The following EDRF1 variants were observed in gnomAD, a reference collection of about 807,000 sequenced individuals.
The protein encoded by EDRF1 is erythroid differentiation-related factor 1.
In EDRF1, 69 loss-of-function variants were observed where a neutral mutation model predicts 148.7. The ratio of observed to expected loss-of-function variants is 0.46; its 90% confidence interval spans 0.38 to 0.57. The LOEUF (loss-of-function observed/expected upper bound fraction) is 0.57. Ranked by LOEUF, EDRF1 falls within the 20% of genes least tolerant of loss-of-function variation. The pLI is 0.00. For synonymous variants in EDRF1, 515 were observed against 532.8 expected, an observed-to-expected ratio of 0.97 and a Z score of 0.46; for missense variants, 1,118 against 1,478.7, an observed-to-expected ratio of 0.76 and a Z score of 4.00.
chr10:125,761,683 C>T (rs1242680526), intron 24 of EDRF1, among the ~76,000 whole-genome samples: 3 of 152,036 alleles, frequency 2.0e-5, no homozygotes, highest in Admixed American at 6.5e-5. Context: ...TTAAGGAAGG[C>T]GTGATTTGTA....
chr10:125,749,513 A>G lies in EDRF1; in HGVS notation c.3225A>G (p.Glu1075=). The G allele has an allele frequency of 6.2e-7, 1 of 1,614,220 alleles. No individual in the cohort carries two copies. The highest frequency in any genetic ancestry group is 8.5e-7 in the Non-Finnish European group (1 of 1,180,040). ...LFQLLKDAPC[E]LLRVQLERVA... is the part of the protein sequence containing the mutation. ...AGCTGCTGAAAGATGCTCCCTGCGA[A>G]CTGCTTAGAGTACAGCTAGAGAGAG... Residue 1075 remains glutamate, a synonymous_variant, in exon 22 of 25, where the codon GAA becomes GAG. Coordinates refer to ENST00000356792, the MANE Select transcript of EDRF1 (RefSeq NM_001202438.2).
At chr10:125,756,958 G>C (rs1564754674) in intron 24 of EDRF1, 1 of 398,440 alleles carries the variant, frequency 2.5e-6, no homozygotes, top group Non-Finnish European at 4.9e-6. Context: ...GACCACGGGT[G>C]TGCCCCACGA....
At position 125,733,553 on chromosome 10, in the gene EDRF1, T is replaced by A. The variant is rs1468455021; in HGVS notation, c.1276+2T>A. ...GACATACCTATTGGCTCTTTAAAGG[T>A]AAGCTATTAATACTTCTTGAGTGAA... On this transcript the variant is annotated splice_donor_variant, in intron 10 of 24. Transcript: ENST00000356792. LOFTEE classifies it high-confidence loss of function. The A allele has an allele frequency of 1.2e-6, 2 of 1,604,470 alleles. No individual in the cohort carries two copies.
rs757269002 is a variant in EDRF1, at chr10:125,743,167, C to T, written c.2481C>T (p.Ser827=). ...TCTTGCAGTTTAGTGACTTGAAAAG[C>T]CAAAATCCAGAACACTATGTACAAG... is the stretch of plus-strand genomic sequence containing the variant. ...NEILQFSDLK[S]QNPEHYVQVL... Residue 827 remains serine, a synonymous_variant, in exon 18 of 25, where the codon AGC becomes AGT. Coordinates refer to ENST00000356792, the MANE Select transcript of EDRF1 (RefSeq NM_001202438.2). 2.5e-6 allele frequency: 4 copies of T among 1,613,858 alleles called. No individual in the cohort carries two copies. The highest frequency in any genetic ancestry group is 2.2e-5 in the South Asian group (2 of 91,070).
intron 13 of EDRF1, among the ~76,000 whole-genome samples, chr10:125,736,210 C>G (rs2133703573): frequency 6.6e-6 from 1 of 152,190 alleles, no homozygotes; most frequent in East Asian, 1.9e-4. Flanking sequence ...GCACTTCTAT[C>G]CGGTGTTGGG....
intron 7 of EDRF1, 88 bp downstream of exon 7, chr10:125,729,192 A>G: frequency 6.8e-7 from 1 of 1,461,160 alleles, no homozygotes; most frequent in African/African-American, 1.4e-5. Flanking sequence ...TTGATAGGGA[A>G]AAACTCCACT....
In EDRF1 at chr10:125,733,511, T is replaced by C. The variant is rs1848573035; in HGVS notation, c.1236T>C (p.Ser412=). ...AGAATATTTTATCATTTTTGAAATCTAATTGTACCAAAGAAGGACATACCT... is the reference window on the plus strand; with the variant it reads ...AGAATATTTTATCATTTTTGAAATCCAATTGTACCAAAGAAGGACATACCT... ...IAQNILSFLK[S]NCTKEGHTYW... Residue 412 remains serine, a synonymous_variant, in exon 10 of 25, where the codon TCT becomes TCC. Coordinates refer to ENST00000356792, the MANE Select transcript of EDRF1 (RefSeq NM_001202438.2). 1.9e-6 allele frequency: 3 copies of C among 1,599,858 alleles called. No homozygotes were observed. Among genetic ancestry groups the C allele is most frequent in the Non-Finnish European group, 2.6e-6 (3 of 1,167,368 alleles).
At chr10:125,751,469 G>A (rs1849639423) in intron 22 of EDRF1, among the ~76,000 whole-genome samples, 1 of 125,286 alleles carries the variant, frequency 8.0e-6, no homozygotes, top group Admixed American at 8.8e-5. Context: ...TGTCTATATT[G>A]TCTGGTCGTT....
intron 2 of EDRF1, among the ~76,000 whole-genome samples, chr10:125,721,931 G>A (rs1848026665): frequency 2.0e-5 from 3 of 152,194 alleles, no homozygotes; most frequent in Admixed American, 2.0e-4. Context: ...AGAGAAAAAT[G>A]TATTAATGTA....
intron 17 of EDRF1, 180 bp downstream of exon 17, chr10:125,741,381 A>C (rs1441305953): frequency 4.3e-6 from 3 of 690,564 alleles, no homozygotes; most frequent in Non-Finnish European, 7.6e-6. Flanking sequence ...GCAATGGTGC[A>C]ATCTTGGCTC....
At chr10:125,736,465 A>G (rs1051031862) in intron 13 of EDRF1, among the ~76,000 whole-genome samples, 4 of 152,154 alleles carry the variant, frequency 2.6e-5, no homozygotes, top group African/African-American at 9.7e-5. Flanking sequence ...CAGGCAGTAT[A>G]TACCTTTCAA....
intron 12 of EDRF1, 143 bp downstream of exon 12, chr10:125,734,326 A>G (rs537425578): frequency 5.7e-6 from 4 of 701,258 alleles, no homozygotes; most frequent in Admixed American, 4.5e-5. Flanking sequence ...GCTGTTGATC[A>G]CTTAAAATGT....
At chr10:125,720,283 C>T (rs1200077752) in intron 1 of EDRF1, among the ~76,000 whole-genome samples, 1 of 152,140 alleles carries the variant, frequency 6.6e-6, no homozygotes, top group Non-Finnish European at 1.5e-5. Flanking sequence ...AGAAGAGGTA[C>T]TGCGTGAAAG....
chr10:125,733,381 T>C, intron 9 of EDRF1, 23 bp from the exon 10 acceptor site: 1 of 1,545,024 alleles, frequency 6.5e-7, no homozygotes, highest in Admixed American at 1.9e-5. Flanking sequence ...TTAAACTGCT[T>C]TCCATCTGTC....
At chr10:125,724,578 C>G (rs1347240015) in intron 4 of EDRF1, among the ~76,000 whole-genome samples, 1 of 152,180 alleles carries the variant, frequency 6.6e-6, no homozygotes, top group Non-Finnish European at 1.5e-5. Context: ...GACAAAATCA[C>G]CTAATGACGC....
At chr10:125,740,896 G>A (rs973598473) in intron 16 of EDRF1, 105 bp from the exon 17 acceptor site, 26 of 1,246,390 alleles carry the variant, frequency 2.1e-5, no homozygotes, top group Admixed American at 6.8e-5. Flanking sequence ...AATAGATACA[G>A]TGCTACAAAG....
intron 6 of EDRF1, 45 bp downstream of exon 6, chr10:125,725,883 A>G: frequency 6.2e-7 from 1 of 1,600,792 alleles, no homozygotes; most frequent in Non-Finnish European, 8.5e-7. Context: ...TAGGAAAACA[A>G]AGCCTTTTTT....
In EDRF1 at chr10:125,763,464, G is replaced by A. The variant is rs1395474791; in HGVS notation, c.3709G>A (p.Val1237Ile). The change falls in exon 25 of 25, where the codon GTT (valine) becomes ATT (isoleucine). Residue 1237 changes from valine (V) to isoleucine (I), a missense_variant. By Grantham distance (29) the Val-to-Ile change is conservative (BLOSUM62 3). Coordinates refer to ENST00000356792, the MANE Select transcript of EDRF1 (RefSeq NM_001202438.2). The surrounding 1 kb of genome is among the most constrained non-coding windows in gnomAD (Gnocchi z 4.3). ...AAGSAASSNA[V>I]Q is the part of the protein sequence containing the mutation. The stretch of plus-strand genomic sequence containing the variant: ...CGGCAGTGCAGCGAGCAGCAATGCC[G>A]TTCAGTGACTGCACAGAGCCGTGTC... The A allele has an allele frequency of 6.8e-6, 11 of 1,606,780 alleles. No individual in the cohort carries two copies. The highest frequency in any genetic ancestry group is 2.2e-5 in the East Asian group (1 of 44,880).
At chr10:125,736,175 G>A (rs1322618750) in intron 13 of EDRF1, among the ~76,000 whole-genome samples, 5 of 152,156 alleles carry the variant, frequency 3.3e-5, no homozygotes, top group Admixed American at 3.3e-4. Flanking sequence ...CCAGTGTGTA[G>A]TCATAGTCAT....
Sources: allele counts gnomAD v4.1 joint callset (sites outside exome capture counted in the v4.1 genomes callset), GRCh38; gene constraint gnomAD v4.1.1; non-coding constraint Gnocchi (gnomAD v3.1); transcripts MANE v1.5; gene names NCBI Gene and HGNC (gene_info 2026-07-23, HGNC 2026-07-21).